The following FAM184A variants were observed in gnomAD, a reference collection of about 807,000 sequenced individuals.
FAM184A encodes the protein protein FAM184A.
A neutral mutation model predicts 143.8 loss-of-function variants in FAM184A; 99 were observed. The observed-to-expected ratio is 0.69, with a 90% CI of 0.58 to 0.81. The LOEUF (loss-of-function observed/expected upper bound fraction) is 0.81, where lower values mean the gene tolerates loss of function less well. Ranked by LOEUF, FAM184A falls within the 40% of genes least tolerant of loss-of-function variation. FAM184A has a pLI of 0.00. For missense variants in FAM184A, 1,217 were observed against 1,310.5 expected (o/e 0.93, Z 1.10); for synonymous variants, 427 against 446.4 (o/e 0.96, Z 0.55).
chr6:119,123,039 C>T (rs769944624), intron 1 of FAM184A, among the ~76,000 whole-genome samples: 3 of 136,230 alleles, frequency 2.2e-5, no homozygotes, highest in African/African-American at 8.6e-5. Flanking sequence ...AAAACCCTTA[C>T]TGTGCATTCT....
At chr6:119,006,090 T>C (rs771620884) in intron 7 of FAM184A, 1 of 765,210 alleles carries the variant, frequency 1.3e-6, no homozygotes, top group Admixed American at 1.7e-5. Flanking sequence ...CTTGTTCCAA[T>C]ATGCCTGGTA....
intron 1 of FAM184A, among the ~76,000 whole-genome samples, chr6:119,075,845 CTA>C (rs1324676597): frequency 2.0e-5 from 3 of 152,080 alleles, no homozygotes; most frequent in Non-Finnish European, 2.9e-5. Flanking sequence ...GTGTATATGA[CTA>C]TAAAATTTGA....
intron 1 of FAM184A, among the ~76,000 whole-genome samples, chr6:119,120,453 G>A (rs2114860441): frequency 6.6e-6 from 1 of 152,296 alleles, no homozygotes; most frequent in South Asian, 2.1e-4. Context: ...GGGCTATTAT[G>A]CTGCCATCAG....
chr6:119,087,769 G>A (rs926757699), intron 1 of FAM184A, among the ~76,000 whole-genome samples: 2 of 152,144 alleles, frequency 1.3e-5, no homozygotes, highest in Non-Finnish European at 2.9e-5. Context: ...ATAATTGAAA[G>A]CAAAGACTTG....
upstream of FAM184A, among the ~76,000 whole-genome samples, chr6:119,081,462 G>A (rs1378098139): frequency 6.6e-6 from 1 of 152,178 alleles, no homozygotes; most frequent in African/African-American, 2.4e-5. Flanking sequence ...AATGTTTATA[G>A]CCGAAGCCAC....
intron 14 of FAM184A, among the ~76,000 whole-genome samples, chr6:118,972,962 G>A (rs138465742): frequency 1.3e-5 from 2 of 152,234 alleles, no homozygotes; most frequent in East Asian, 1.9e-4. Flanking sequence ...GGCCCAAAAG[G>A]ATTTAAAAAT....
intron 9 of FAM184A, among the ~76,000 whole-genome samples, chr6:118,990,181 T>G (rs776881845): frequency 2.6e-5 from 4 of 152,330 alleles, no homozygotes; most frequent in African/African-American, 4.8e-5. Flanking sequence ...AAACTAAAAT[T>G]TATACCATTT....
intron 9 of FAM184A, among the ~76,000 whole-genome samples, chr6:118,981,895 TATTA>T (rs1222029938): frequency 6.6e-6 from 1 of 152,224 alleles, no homozygotes; most frequent in Non-Finnish European, 1.5e-5. Context: ...GAATTCTGCT[TATTA>T]ATTTCTACAA....
intron 1 of FAM184A, among the ~76,000 whole-genome samples, chr6:119,101,794 G>A (rs1289344763): frequency 6.6e-6 from 1 of 152,090 alleles, no homozygotes; most frequent in African/African-American, 2.4e-5. Flanking sequence ...GGTGACTCAC[G>A]CCTGTAATCC....
rs572860434 is a variant in FAM184A at position 119,105,862 on chromosome 6, C to T, written c.-202+43216G>A. On this transcript the variant is annotated intron_variant, in intron 1 of 16. Transcript: ENST00000352896. Reference sequence around the variant, plus strand: ...GTACTTTGACAGCAAATATCAAGCACATTTATTGCCCAGATGCATAGTTAG... The same window carrying T: ...GTACTTTGACAGCAAATATCAAGCATATTTATTGCCCAGATGCATAGTTAG... Among the ~76,000 whole-genome samples the T allele has an allele frequency of 6.6e-5, 10 of 152,240 alleles. No homozygotes were observed. The South Asian group carries it at 2.1e-3, about 32-fold the overall frequency.
Position 118,978,763 on chromosome 6 carries a change from G to C in FAM184A, c.2455+602C>G, listed in dbSNP as rs575637775. On this transcript the variant is annotated intron_variant, in intron 11 of 17. Coordinates refer to ENST00000338891, the MANE Select transcript of FAM184A (RefSeq NM_024581.6). ...CATGTTAAAAATATTAGCATAATTT[G>C]GAATAAAGCCAAACAGAAGGAAAAT... Among the ~76,000 whole-genome samples the C allele has an allele frequency of 8.5e-5, 13 of 152,052 alleles. No individual in the cohort carries two copies. In the South Asian group the frequency reaches 2.7e-3, roughly 32 times the overall value.
chr6:118,960,377 A>G (rs1304850063), intron 17 of FAM184A, among the ~76,000 whole-genome samples, 193 bp from the exon 18 acceptor site: 4 of 152,232 alleles, frequency 2.6e-5, no homozygotes, highest in Admixed American at 2.0e-4. Flanking sequence ...GTGCATCAGC[A>G]GCTCAAATGA....
At chr6:119,025,595 T>C in intron 1 of FAM184A, 1 of 518,984 alleles carries the variant, frequency 1.9e-6, no homozygotes, top group Non-Finnish European at 3.8e-6. Flanking sequence ...AACCTTAATT[T>C]CAAATGACAA....
At chr6:119,116,484 T>A (rs1282649234) in intron 1 of FAM184A, among the ~76,000 whole-genome samples, 1 of 152,206 alleles carries the variant, frequency 6.6e-6, no homozygotes, top group Non-Finnish European at 1.5e-5. Flanking sequence ...AATCTGCATG[T>A]GTACCCTTAA....
At chr6:119,138,916 G>A (rs528323196) in intron 1 of FAM184A, among the ~76,000 whole-genome samples, 47 of 152,182 alleles carry the variant, frequency 3.1e-4, no homozygotes, top group Non-Finnish European at 5.1e-4. Context: ...ATGAGCCACC[G>A]CACCCAGCCC....
At chr6:119,042,347 C>T (rs1403643992) in intron 1 of FAM184A, among the ~76,000 whole-genome samples, 2 of 152,202 alleles carry the variant, frequency 1.3e-5, no homozygotes, top group African/African-American at 2.4e-5. Context: ...GCATGTTCCT[C>T]GGATGCATTC....
chr6:119,080,168 G>A (rs1433048481), upstream of FAM184A, among the ~76,000 whole-genome samples: 1 of 152,154 alleles, frequency 6.6e-6, no homozygotes, highest in Non-Finnish European at 1.5e-5. Flanking sequence ...AGTCTTGCTA[G>A]GACAAAGATA....
At chr6:118,968,630 C>T (rs1465971345) in intron 14 of FAM184A, among the ~76,000 whole-genome samples, 2 of 152,216 alleles carry the variant, frequency 1.3e-5, no homozygotes, top group African/African-American at 4.8e-5. Context: ...CACTGGAGCA[C>T]TTTCTTTTAT....
At position 119,038,340 on chromosome 6, in the gene FAM184A, C is replaced by A. The variant is rs531394275; in HGVS notation, c.160-13527G>T. ...GAGCTGAGTAAAATGAGGCTGAAAC[C>A]TACTGGGCTGCATTCTCAGATTGCT... is the stretch of plus-strand genomic sequence containing the variant. On this transcript the variant is annotated intron_variant, in intron 1 of 17. Coordinates refer to ENST00000338891, the MANE Select transcript of FAM184A (RefSeq NM_024581.6). Among the ~76,000 whole-genome samples the A allele has an allele frequency of 2.0e-5, 3 of 152,268 alleles. No individual in the cohort carries two copies. In the East Asian group the frequency reaches 5.8e-4, roughly 29 times the overall value.
Sources: allele counts gnomAD v4.1 joint callset (sites outside exome capture counted in the v4.1 genomes callset), GRCh38; gene constraint gnomAD v4.1.1; transcripts MANE v1.5; gene names NCBI Gene and HGNC (gene_info 2026-07-23, HGNC 2026-07-21).